Variants in EPHA3 observed in about 807,000 individuals in gnomAD.
EPHA3 encodes the protein ephrin type-A receptor 3.
EPHA3 carries 42 observed loss-of-function variants against 107.1 expected under a neutral mutation model. That is an observed-to-expected ratio of 0.39 (90% CI 0.31 to 0.51). The LOEUF (loss-of-function observed/expected upper bound fraction) is 0.51, where lower values mean the gene tolerates loss of function less well. EPHA3 is among the 20% of genes least tolerant of loss of function. The pLI is 0.78. For missense variants in EPHA3, 1,183 were observed against 1,211.2 expected, an observed-to-expected ratio of 0.98 and a Z score of 0.35; for synonymous variants, 461 against 424.8, an observed-to-expected ratio of 1.09 and a Z score of -1.05.
chr3:89,340,551 A>G (rs896562508), intron 3 of EPHA3, among the ~76,000 whole-genome samples: 2 of 152,236 alleles, frequency 1.3e-5, no homozygotes, highest in African/African-American at 2.4e-5. Context: ...TGCAGATAGT[A>G]TACACATTGC....
chr3:89,432,229 C>T (rs1471640251), intron 13 of EPHA3, among the ~76,000 whole-genome samples: 3 of 152,068 alleles, frequency 2.0e-5, no homozygotes, highest in Non-Finnish European at 4.4e-5. Flanking sequence ...ATTTTAAAAG[C>T]ACACTTTACT....
At chr3:89,392,868 G>A (rs934977925) in intron 5 of EPHA3, among the ~76,000 whole-genome samples, 3 of 151,888 alleles carry the variant, frequency 2.0e-5, no homozygotes, top group Admixed American at 6.6e-5. Context: ...TAAAAAAATC[G>A]ATAAATTATA....
intron 13 of EPHA3, among the ~76,000 whole-genome samples, chr3:89,445,977 AAT>A (rs916004163): frequency 2.0e-5 from 3 of 152,222 alleles, no homozygotes; most frequent in African/African-American, 7.2e-5. Flanking sequence ...TTCTAACAAT[AAT>A]ATGTGTGTGT....
At chr3:89,166,835 T>C (rs929465906) in intron 2 of EPHA3, among the ~76,000 whole-genome samples, 1 of 152,194 alleles carries the variant, frequency 6.6e-6, no homozygotes, top group Non-Finnish European at 1.5e-5. Context: ...GAATGGATAA[T>C]TCTTTGAAAG....
At chr3:89,426,300 C>T (rs1709455363) in intron 11 of EPHA3, among the ~76,000 whole-genome samples, 1 of 151,762 alleles carries the variant, frequency 6.6e-6, no homozygotes, top group Non-Finnish European at 1.5e-5. Context: ...GGAACTAGTT[C>T]TCGCCACTAC....
intron 9 of EPHA3, among the ~76,000 whole-genome samples, chr3:89,409,343 T>C (rs1330035023): frequency 6.6e-6 from 1 of 152,058 alleles, no homozygotes; most frequent in African/African-American, 2.4e-5. Flanking sequence ...ACAATTTTTA[T>C]GCATAAATTA....
chr3:89,370,201 T>G (rs1256952739), intron 5 of EPHA3, among the ~76,000 whole-genome samples: 1 of 150,948 alleles, frequency 6.6e-6, no homozygotes, highest in East Asian at 1.9e-4. Flanking sequence ...TAAAGACACA[T>G]GCACACCTAT....
intron 3 of EPHA3, among the ~76,000 whole-genome samples, chr3:89,297,377 A>G (rs1028919387): frequency 1.3e-5 from 2 of 152,156 alleles, no homozygotes; most frequent in Admixed American, 6.5e-5. Flanking sequence ...GTTAATTTCA[A>G]TAATGTGTCT....
chr3:89,379,115 C>T (rs1708454023), intron 5 of EPHA3, among the ~76,000 whole-genome samples: 1 of 152,090 alleles, frequency 6.6e-6, no homozygotes, highest in South Asian at 2.1e-4. Context: ...CTGCAATTTC[C>T]CCTTTGCTTT....
chr3:89,437,225 G>A (rs562377315), intron 13 of EPHA3, among the ~76,000 whole-genome samples: 110 of 152,002 alleles, frequency 7.2e-4, no homozygotes, highest in Middle Eastern at 3.4e-3. Context: ...TATTTTTGCC[G>A]TTATTCACTG....
intron 5 of EPHA3, among the ~76,000 whole-genome samples, chr3:89,367,979 G>T (rs1030293799): frequency 6.6e-6 from 1 of 150,422 alleles, no homozygotes; most frequent in African/African-American, 2.4e-5. Flanking sequence ...TGCACTCTAG[G>T]TTCCTTGAGG....
At chr3:89,112,752 C>T (rs1267511835) in intron 1 of EPHA3, among the ~76,000 whole-genome samples, 1 of 151,586 alleles carries the variant, frequency 6.6e-6, no homozygotes, top group African/African-American at 2.4e-5. Flanking sequence ...GTTTTATAGA[C>T]ATTTACTAAA....
intron 13 of EPHA3, among the ~76,000 whole-genome samples, chr3:89,434,431 T>A (rs1294965792): frequency 6.6e-6 from 1 of 152,130 alleles, no homozygotes; most frequent in African/African-American, 2.4e-5. Flanking sequence ...TTGGCCAGTC[T>A]AGTCTCAAAC....
chr3:89,412,120 T>C (rs1185383974), intron 9 of EPHA3, among the ~76,000 whole-genome samples: 1 of 151,824 alleles, frequency 6.6e-6, no homozygotes, highest in Non-Finnish European at 1.5e-5. Context: ...TATAGTTTAG[T>C]AGATCTTAGA....
At chr3:89,123,658 G>A (rs1384377911) in intron 1 of EPHA3, among the ~76,000 whole-genome samples, 1 of 152,062 alleles carries the variant, frequency 6.6e-6, no homozygotes, top group Non-Finnish European at 1.5e-5. Flanking sequence ...ACATGTGAAA[G>A]AAAAACCTAG....
intron 2 of EPHA3, among the ~76,000 whole-genome samples, chr3:89,134,459 C>A (rs540285747): frequency 6.6e-6 from 1 of 151,984 alleles, no homozygotes; most frequent in East Asian, 1.9e-4. Flanking sequence ...TGAGTGAGAA[C>A]GTGCGATGTT....
chr3:89,393,707 C>G (rs901370710), intron 5 of EPHA3, among the ~76,000 whole-genome samples: 5 of 152,032 alleles, frequency 3.3e-5, no homozygotes, highest in Non-Finnish European at 7.4e-5. Flanking sequence ...TCCAAAGACA[C>G]TGGGGCTGAA....
intron 3 of EPHA3, among the ~76,000 whole-genome samples, chr3:89,279,024 T>A (rs1318109787): frequency 1.3e-5 from 2 of 152,220 alleles, no homozygotes; most frequent in Non-Finnish European, 2.9e-5. Context: ...ATAGTGTTTT[T>A]TTCCCCTCAC....
At chr3:89,316,518 A>G (rs1252167739) in intron 3 of EPHA3, among the ~76,000 whole-genome samples, 2 of 142,592 alleles carry the variant, frequency 1.4e-5, no homozygotes, top group African/African-American at 5.1e-5. Flanking sequence ...ATATATATAT[A>G]TATATATATA....
Sources: gnomAD v4.1 joint callset for allele counts (sites outside exome capture counted in the v4.1 genomes callset) on GRCh38, gnomAD v4.1.1 for gene constraint, MANE v1.5 for transcripts, NCBI Gene and HGNC (gene_info 2026-07-23, HGNC 2026-07-21) for gene names.